The following LRRC8A variants were observed in gnomAD, a reference collection of about 807,000 sequenced individuals.
LRRC8A encodes leucine rich repeat containing 8 VRAC subunit A.
In LRRC8A, 24 loss-of-function variants were observed where a neutral mutation model predicts 52.5. That is an observed-to-expected ratio of 0.46 (90% CI 0.33 to 0.64). The LOEUF (loss-of-function observed/expected upper bound fraction) is 0.64. Ranked by LOEUF, LRRC8A falls within the 30% of genes least tolerant of loss-of-function variation. The pLI, the probability that LRRC8A is intolerant of heterozygous loss-of-function variation, is 0.02. For missense variants in LRRC8A, 677 were observed against 1,094.7 expected (o/e 0.62, Z 5.38); for synonymous variants, 492 against 494.2 (o/e 1.00, Z 0.06).
intron 2 of LRRC8A, among the ~76,000 whole-genome samples, chr9:128,891,269 T>TA (rs557336064): frequency 0.057 from 8,326 of 147,312 alleles, 260 homozygotes; most frequent in African/African-American, 0.097. Context: ...AGATCCCGTC[T>TA]AAAAAAAAAA....
At position 128,916,402 on chromosome 9, in the gene LRRC8A, G is replaced by T; in HGVS notation, c.*31G>T. 1 of 1,591,308 alleles carries T rather than the reference G, an allele frequency of 6.3e-7. No homozygotes were observed. Among genetic ancestry groups the T allele is most frequent in the Non-Finnish European group, 8.6e-7 (1 of 1,167,454 alleles). On this transcript the variant is annotated 3_prime_UTR_variant, in exon 4 of 4. Transcript: ENST00000372600. This position sits in a 1 kb window ranked among gnomAD's most constrained non-coding sequence, Gnocchi z 6.1. ...GCCGGCCCAGCACAGCAAGCAGCAG[G>T]ACCGCTGCCCAGTCCTCAGGCCCGG...
Position 128,917,194 on chromosome 9 carries a change from C to T in LRRC8A, c.*823C>T, listed in dbSNP as rs1430592626. On this transcript the variant is annotated 3_prime_UTR_variant, in exon 4 of 4. Transcript: ENST00000372600. ...GGCAGTTTCCCTTGAGCAAAGCAGCCAGACGTTGAACTGTGTTTCCTTTCC... is the reference window on the plus strand; with the variant it reads ...GGCAGTTTCCCTTGAGCAAAGCAGCTAGACGTTGAACTGTGTTTCCTTTCC... 2.0e-5 allele frequency: 3 copies of T among 152,184 alleles called. No homozygotes were observed. The East Asian group carries it at 5.8e-4, about 29-fold the overall frequency. The allele number at this position is 152,184 out of a possible 1,614,324, so 9.4% of individuals were successfully genotyped here.
intron 2 of LRRC8A, among the ~76,000 whole-genome samples, chr9:128,898,774 C>T (rs962493347): frequency 6.6e-6 from 1 of 152,270 alleles, no homozygotes; most frequent in Non-Finnish European, 1.5e-5. Flanking sequence ...TGGCCCGGCC[C>T]TTGCCTCCAA....
chr9:128,895,667 G>A (rs956240474), intron 2 of LRRC8A, among the ~76,000 whole-genome samples: 3 of 152,122 alleles, frequency 2.0e-5, no homozygotes, highest in Non-Finnish European at 4.4e-5. Context: ...TCTCCCTGGG[G>A]GCAGGGCAGG....
At chr9:128,910,543 A>G (rs2131035150) in intron 3 of LRRC8A, among the ~76,000 whole-genome samples, 1 of 152,236 alleles carries the variant, frequency 6.6e-6, no homozygotes. Flanking sequence ...AAATACAGAA[A>G]TGATCCAGGC....
chr9:128,908,171 G>A lies in LRRC8A; in HGVS notation c.1007G>A (p.Cys336Tyr), dbSNP rs781537305. The A allele has an allele frequency of 6.2e-7, 1 of 1,614,048 alleles. No individual in the cohort carries two copies. The highest frequency in any genetic ancestry group is 8.5e-7 in the Non-Finnish European group (1 of 1,180,038). Residue 336 changes from cysteine (C) to tyrosine (Y), a missense_variant, in exon 3 of 4, where the codon TGC becomes TAC. Cys to Tyr is a radical substitution (Grantham distance 194, BLOSUM62 -2). Coordinates refer to ENST00000372600, the MANE Select transcript of LRRC8A (RefSeq NM_019594.4). ...ISLVIFYGLI[C>Y]MYTLWWMLRR... ...CTAGTCATCTTCTACGGCCTCATCT[G>A]CATGTATACACTGTGGTGGATGCTA...
rs73669996 is a variant in LRRC8A at position 128,902,768 on chromosome 9, G to A, written c.-8-4389G>A. Among the ~76,000 whole-genome samples the A allele has an allele frequency of 7.3e-3, 1,103 of 152,094 alleles. 12 individuals carry two copies. Among genetic ancestry groups the A allele is most frequent in the African/African-American group, 0.025 (1,052 of 41,470 alleles). ...TCTTTCCCAGCAGTGTAGGTGGTGC[G>A]TGGACCCACCTGGTCATTAGAGGGC... On this transcript the variant is annotated intron_variant, in intron 2 of 3. Transcript: ENST00000372600. The surrounding 1 kb of genome is among the most constrained non-coding windows in gnomAD (Gnocchi z 4.1).
At chr9:128,891,580 G>A (rs926731329) in intron 2 of LRRC8A, among the ~76,000 whole-genome samples, 1 of 152,142 alleles carries the variant, frequency 6.6e-6, no homozygotes, top group Admixed American at 6.5e-5. Flanking sequence ...AAAACGGCCT[G>A]CCTTCTAGGC....
intron 1 of LRRC8A, chr9:128,882,480 C>G (rs1392108313): frequency 5.2e-6 from 2 of 382,148 alleles, no homozygotes; most frequent in East Asian, 3.7e-5. Context: ...GAGCCCCCTC[C>G]CAGGCACCCC....
At chr9:128,913,796 A>G (rs1840672182) in intron 3 of LRRC8A, among the ~76,000 whole-genome samples, 1 of 152,022 alleles carries the variant, frequency 6.6e-6, no homozygotes, top group Non-Finnish European at 1.5e-5. Flanking sequence ...CTTCCTGTCT[A>G]CCCTCTGACC....
intron 2 of LRRC8A, among the ~76,000 whole-genome samples, chr9:128,905,720 T>C (rs564336724): frequency 5.9e-5 from 9 of 152,056 alleles, no homozygotes; most frequent in Non-Finnish European, 1.2e-4. Flanking sequence ...GGTGCAGGCC[T>C]GTAGTCCCAG....
Position 128,916,373 on chromosome 9 carries a change from C to T in LRRC8A, c.*2C>T, listed in dbSNP as rs774080181. The T allele has an allele frequency of 6.2e-6, 10 of 1,606,934 alleles. No homozygotes were observed. The highest frequency in any genetic ancestry group is 1.7e-5 in the Admixed American group (1 of 59,912). On this transcript the variant is annotated 3_prime_UTR_variant, in exon 4 of 4. Transcript: ENST00000372600. This position sits in a 1 kb window ranked among gnomAD's most constrained non-coding sequence, Gnocchi z 6.1. ...AGGGCTGACAAGGAGCAGGCCTGAG[C>T]GAGGCCGGCCCAGCACAGCAAGCAG...
At chr9:128,887,092 A>G (rs770886427) in intron 2 of LRRC8A, among the ~76,000 whole-genome samples, 6 of 151,966 alleles carry the variant, frequency 3.9e-5, no homozygotes, top group Admixed American at 2.0e-4. Flanking sequence ...CTGGATTTTA[A>G]AAGAAATAGT....
chr9:128,890,169 T>TGTGTGTGTGTGTGTGTGTGTGC (rs1491190172), intron 2 of LRRC8A, among the ~76,000 whole-genome samples: 1 of 148,452 alleles, frequency 6.7e-6, no homozygotes, highest in Non-Finnish European at 1.5e-5. Flanking sequence ...TGTGTGTGTG[T>TGTGTGTGTGTGTGTGTGTGTGC]GCTGGGAAGG....
At chr9:128,887,632 A>C (rs1407871669) in intron 2 of LRRC8A, among the ~76,000 whole-genome samples, 3 of 151,704 alleles carry the variant, frequency 2.0e-5, no homozygotes, top group Non-Finnish European at 4.4e-5. Context: ...TTTGTTTCAT[A>C]TAATGATATC....
chr9:128,884,223 T>C (rs957065121), intron 1 of LRRC8A, among the ~76,000 whole-genome samples: 12 of 151,860 alleles, frequency 7.9e-5, no homozygotes, highest in Admixed American at 6.6e-4. Context: ...CCTGTAGGAG[T>C]TGGAGGGAAA....
intron 3 of LRRC8A, among the ~76,000 whole-genome samples, chr9:128,915,820 C>T (rs1481031046): frequency 1.3e-5 from 2 of 152,190 alleles, no homozygotes; most frequent in African/African-American, 4.8e-5. Context: ...GAGCCCACAT[C>T]AAGGGGGTAA....
chr9:128,898,949 C>T (rs117877806), intron 2 of LRRC8A, among the ~76,000 whole-genome samples: 1 of 152,210 alleles, frequency 6.6e-6, no homozygotes, highest in Non-Finnish European at 1.5e-5. Context: ...GGCGTCCTGG[C>T]TCCTGGATAG....
At chr9:128,883,148 G>A (rs376025531) in intron 1 of LRRC8A, among the ~76,000 whole-genome samples, 1 of 152,306 alleles carries the variant, frequency 6.6e-6, no homozygotes, top group East Asian at 1.9e-4. Context: ...AGGGTGGGCG[G>A]TTCCTGGGTG....
Sources: allele counts gnomAD v4.1 joint callset (sites outside exome capture counted in the v4.1 genomes callset), GRCh38; gene constraint gnomAD v4.1.1; non-coding constraint Gnocchi (gnomAD v3.1); transcripts MANE v1.5; gene names NCBI Gene and HGNC (gene_info 2026-07-23, HGNC 2026-07-21).